The following NEO1 variants were observed in gnomAD, a reference collection of about 807,000 sequenced individuals.
NEO1 encodes neogenin 1, also known as neogenin.
Under a neutral mutation model 159.7 loss-of-function variants are expected in NEO1, and 63 were observed. That is an observed-to-expected ratio of 0.39 (90% CI 0.32 to 0.49). The LOEUF is 0.49. NEO1 is among the 20% of genes least tolerant of loss of function. The pLI is 0.85. For synonymous variants in NEO1, 633 were observed against 662.0 expected (o/e 0.96, Z 0.67); for missense variants, 1,615 against 1,831.0 (o/e 0.88, Z 2.15).
rs2071084602 is a variant in NEO1, at chr15:73,112,930, A to G, written c.131-3610A>G. Among the ~76,000 whole-genome samples, 6 of 152,140 alleles carry G rather than the reference A, an allele frequency of 3.9e-5. No individual in the cohort carries two copies. In the South Asian group the frequency reaches 1.2e-3, roughly 32 times the overall value. Reference sequence around the variant, plus strand: ...TCATTTTTTTCCCATATGGATAACCAGTTGTCCTAGTAACATTTATTGAGT... The same window carrying G: ...TCATTTTTTTCCCATATGGATAACCGGTTGTCCTAGTAACATTTATTGAGT... On this transcript the variant is annotated intron_variant, in intron 1 of 28. Coordinates refer to ENST00000261908, the MANE Select transcript of NEO1 (RefSeq NM_002499.4).
chr15:73,198,863 T>C (rs1336944518), intron 7 of NEO1, among the ~76,000 whole-genome samples: 2 of 151,928 alleles, frequency 1.3e-5, no homozygotes, highest in African/African-American at 4.8e-5. Context: ...AGAAAAATTA[T>C]GAAGATAATA....
intron 5 of NEO1, among the ~76,000 whole-genome samples, chr15:73,150,242 A>G (rs750599020): frequency 3.3e-5 from 5 of 152,202 alleles, no homozygotes; most frequent in Non-Finnish European, 7.4e-5. Context: ...TCCTTTTTAA[A>G]TCATGTTTTA....
chr15:73,121,681 TAAGGCA>T (rs1193702921), intron 2 of NEO1, among the ~76,000 whole-genome samples: 1 of 152,188 alleles, frequency 6.6e-6, no homozygotes, highest in African/African-American at 2.4e-5. Context: ...ATCATTTCTA[TAAGGCA>T]AAGCTTTTCC....
At chr15:73,077,636 T>G (rs1342751201) in intron 1 of NEO1, among the ~76,000 whole-genome samples, 1 of 152,182 alleles carries the variant, frequency 6.6e-6, no homozygotes, top group Non-Finnish European at 1.5e-5. Context: ...TGATGGGAAA[T>G]AGATTCTCAG....
chr15:73,187,221 C>T (rs1405016440), intron 7 of NEO1, among the ~76,000 whole-genome samples: 2 of 152,172 alleles, frequency 1.3e-5, no homozygotes, highest in African/African-American at 2.4e-5. Flanking sequence ...TAGTTAAGCT[C>T]AGATAGTGAT....
rs1430152801 is a variant in NEO1 at position 73,249,112 on chromosome 15, C to T, written c.1659C>T (p.Thr553=). The T allele has an allele frequency of 2.5e-6, 4 of 1,614,116 alleles. No homozygotes were observed. Among genetic ancestry groups the T allele is most frequent in the Non-Finnish European group, 1.7e-6 (2 of 1,179,982 alleles). Residue 553 remains threonine, a synonymous_variant, in exon 10 of 29, where the codon ACC becomes ACT. Transcript: ENST00000261908. The part of the protein sequence containing the change: ...PNLRAYAASP[T]SITVTWETPV... Reference sequence around the variant, plus strand: ...TTCGTGCATATGCAGCTTCGCCTACCTCCATCACTGTTACGTGGGAAACAC... The same window carrying T: ...TTCGTGCATATGCAGCTTCGCCTACTTCCATCACTGTTACGTGGGAAACAC...
At chr15:73,298,204 G>A in intron 26 of NEO1, 144 bp from the exon 27 acceptor site, 1 of 944,936 alleles carries the variant, frequency 1.1e-6, no homozygotes, top group Non-Finnish European at 1.6e-6. Flanking sequence ...CCTGGCAGTG[G>A]TGCTAATCCA....
At chr15:73,301,590 A>T in intron 28 of NEO1, 133 bp downstream of exon 28, 3 of 1,173,472 alleles carry the variant, frequency 2.6e-6, no homozygotes. Context: ...ACACTCATTC[A>T]TTCAGTAGAT....
At chr15:73,052,014 G>C (rs1317943868), upstream of NEO1, 1 of 151,888 alleles carries the variant, frequency 6.6e-6, no homozygotes, top group Non-Finnish European at 1.5e-5. Context: ...ATTTGTCCCC[G>C]AGGCGAGGAG....
chr15:73,113,179 CTT>C (rs139631574), intron 1 of NEO1, among the ~76,000 whole-genome samples: 6 of 144,554 alleles, frequency 4.2e-5, no homozygotes, highest in Admixed American at 6.8e-5. Flanking sequence ...CTCTTACTGG[CTT>C]TTTTTTTTTG....
chr15:73,191,295 A>G (rs536568004), intron 7 of NEO1, among the ~76,000 whole-genome samples: 1 of 152,246 alleles, frequency 6.6e-6, no homozygotes, highest in African/African-American at 2.4e-5. Context: ...TATGTAAAGC[A>G]TTTTGTAAAT....
At chr15:73,267,819 TG>T (rs554206092) in intron 16 of NEO1, among the ~76,000 whole-genome samples, 112 of 152,296 alleles carry the variant, frequency 7.4e-4, no homozygotes, top group African/African-American at 2.6e-3. Context: ...TCCAAGTCTT[TG>T]CTTAGAGTTA....
At chr15:73,203,433 A>T (rs1048436954) in intron 7 of NEO1, among the ~76,000 whole-genome samples, 2 of 152,186 alleles carry the variant, frequency 1.3e-5, no homozygotes, top group African/African-American at 4.8e-5. Flanking sequence ...CCTGTCACTT[A>T]ATAGGTATAT....
At position 73,301,432 on chromosome 15, in the gene NEO1, C is replaced by T. The variant is rs747502852; in HGVS notation, c.4277C>T (p.Thr1426Ile). 1.2e-6 allele frequency: 2 copies of T among 1,614,174 alleles called. No individual in the cohort carries two copies. Among genetic ancestry groups the T allele is most frequent in the Non-Finnish European group, 1.7e-6 (2 of 1,180,026 alleles). Residue 1426 changes from threonine (T) to isoleucine (I), a missense_variant, in exon 28 of 29, where the codon ACA (threonine) becomes ATA (isoleucine). Thr to Ile is a moderately conservative substitution (Grantham distance 89, BLOSUM62 -1). Coordinates refer to ENST00000261908, the MANE Select transcript of NEO1 (RefSeq NM_002499.4). ...VPSAPEVQETTRMLEDSESSY... is the reference protein window; with the variant it reads ...VPSAPEVQETIRMLEDSESSY... ...AGTGCCCCTGAAGTGCAGGAGACCA[C>T]AAGGATGTTGGAAGACTCCGAGAGT...
intron 23 of NEO1, 140 bp from the exon 24 acceptor site, chr15:73,288,173 G>T: frequency 1.5e-6 from 1 of 681,230 alleles, no homozygotes; most frequent in Non-Finnish European, 2.6e-6. Context: ...TGTTGTTGTT[G>T]GGGGCAGGAG....
chr15:73,131,485 A>T (rs1356279066), intron 4 of NEO1, among the ~76,000 whole-genome samples: 1 of 152,142 alleles, frequency 6.6e-6, no homozygotes, highest in African/African-American at 2.4e-5. Flanking sequence ...TGTCTTTAAC[A>T]TCTGTTTTCT....
chr15:73,193,744 C>T (rs996535063), intron 7 of NEO1, among the ~76,000 whole-genome samples: 2 of 151,312 alleles, frequency 1.3e-5, no homozygotes, highest in African/African-American at 4.9e-5. Context: ...TACACAGTGC[C>T]AGGGTAAAGA....
chr15:73,081,835 G>C (rs1424160227), intron 1 of NEO1, among the ~76,000 whole-genome samples: 1 of 150,842 alleles, frequency 6.6e-6, no homozygotes, highest in African/African-American at 2.4e-5. Context: ...GGCATTACAG[G>C]TATGAGCCAC....
chr15:73,232,305 T>A (rs2038952171), intron 7 of NEO1, among the ~76,000 whole-genome samples: 1 of 152,186 alleles, frequency 6.6e-6, no homozygotes, highest in Non-Finnish European at 1.5e-5. Flanking sequence ...TAGTTTTGAT[T>A]ATCTTTTTAT....
Sources: allele counts gnomAD v4.1 joint callset (sites outside exome capture counted in the v4.1 genomes callset), GRCh38; gene constraint gnomAD v4.1.1; transcripts MANE v1.5; gene names NCBI Gene and HGNC (gene_info 2026-07-23, HGNC 2026-07-21).